The following SLC4A8 variants were observed in gnomAD, a reference collection of about 807,000 sequenced individuals.
SLC4A8 encodes the protein solute carrier family 4 member 8.
Under a neutral mutation model 125.0 loss-of-function variants are expected in SLC4A8, and 40 were observed. The ratio of observed to expected loss-of-function variants is 0.32; its 90% CI spans 0.25 to 0.42. The LOEUF (loss-of-function observed/expected upper bound fraction) is 0.42, where lower values mean the gene tolerates loss of function less well. Among genes scored for constraint, SLC4A8 ranks in the 10% least tolerant of loss-of-function variants. SLC4A8 has a pLI of 1.00. For missense variants in SLC4A8, 863 were observed against 1,355.1 expected, an observed-to-expected ratio of 0.64 and a Z score of 5.70; for synonymous variants, 456 against 476.0, an observed-to-expected ratio of 0.96 and a Z score of 0.55.
chr12:51,424,994 G>A lies in SLC4A8; in HGVS notation c.7G>A (p.Ala3Thr). 6.4e-7 allele frequency: 1 copy of A among 1,554,760 alleles called. No homozygotes were observed. Among genetic ancestry groups the A allele is most frequent in the Non-Finnish European group, 8.7e-7 (1 of 1,149,650 alleles). MP[A>T]AGSNEPDGVL... ...GACCTAGTTCGGCTCCGCCATGCCG[G>A]CCGCCGGGAGTAACGAGCCGGACGG... The change falls in exon 1 of 25, where the codon GCC (alanine) becomes ACC (threonine). Residue 3 changes from alanine (A) to threonine (T), a missense_variant. Transcript: ENST00000453097.
chr12:51,463,410 G>GGTGTGT (rs71731491), intron 10 of SLC4A8, among the ~76,000 whole-genome samples: 1,742 of 144,076 alleles, frequency 0.012, 15 homozygotes, highest in African/African-American at 0.024. Flanking sequence ...GAAATTATGG[G>GGTGTGT]GTGTGTGTGT....
At chr12:51,416,259 C>T (rs1301978903) in intron 1 of SLC4A8, among the ~76,000 whole-genome samples, 1 of 109,310 alleles carries the variant, frequency 9.1e-6, no homozygotes, top group Non-Finnish European at 1.8e-5. Flanking sequence ...GAAAATGTCT[C>T]TATTTCACTT....
chr12:51,424,038 A>AG (rs68048881), upstream of SLC4A8, among the ~76,000 whole-genome samples: 2 of 25,620 alleles, frequency 7.8e-5, no homozygotes, highest in East Asian at 2.1e-3. Context: ...CTTCGTCTCC[A>AG]AAAAAAAAAA....
At chr12:51,407,820 A>G (rs1472253321) in intron 1 of SLC4A8, 1 of 152,348 alleles carries the variant, frequency 6.6e-6, no homozygotes, top group Non-Finnish European at 1.5e-5. Context: ...ATAACAAAGT[A>G]CCACAAACTG....
At chr12:51,494,016 A>T (rs1951390763) in intron 20 of SLC4A8, among the ~76,000 whole-genome samples, 1 of 152,256 alleles carries the variant, frequency 6.6e-6, no homozygotes, top group African/African-American at 2.4e-5. Context: ...TTCATTAATT[A>T]TTCAACAGAC....
chr12:51,431,710 G>A (rs550080022), intron 1 of SLC4A8, among the ~76,000 whole-genome samples: 33 of 152,156 alleles, frequency 2.2e-4, no homozygotes, highest in Non-Finnish European at 4.3e-4. Flanking sequence ...CTCCCCAAAG[G>A]GCCAGCATTC....
upstream of SLC4A8, chr12:51,424,585 A>G: frequency 5.3e-6 from 1 of 189,370 alleles, no homozygotes; most frequent in Non-Finnish European, 1.1e-5. Flanking sequence ...CCCAGTTTTC[A>G]AGGGTCAGGT....
chr12:51,493,944 A>G (rs2279951), intron 20 of SLC4A8, among the ~76,000 whole-genome samples, 172 bp downstream of exon 20: 2,147 of 152,342 alleles, frequency 0.014, 56 homozygotes, highest in East Asian at 0.1. Context: ...AAAAACAGCC[A>G]TGTTGGCAGG....
chr12:51,424,054 C>CAAAAAAAAAAAAAA (rs1334821004), upstream of SLC4A8, among the ~76,000 whole-genome samples: 2 of 77,434 alleles, frequency 2.6e-5, no homozygotes, highest in African/African-American at 4.6e-5. Flanking sequence ...AAAAAAAAAA[C>CAAAAAAAAAAAAAA]AAAAAAAACA....
intron 1 of SLC4A8, among the ~76,000 whole-genome samples, chr12:51,400,055 G>C (rs1466214232): frequency 1.3e-5 from 2 of 151,920 alleles, no homozygotes; most frequent in African/African-American, 2.4e-5. Flanking sequence ...CCCTCCTCCT[G>C]GGTGTGGTGG....
chr12:51,396,807 G>A (rs1948272111), intron 1 of SLC4A8, among the ~76,000 whole-genome samples: 1 of 151,496 alleles, frequency 6.6e-6, no homozygotes, highest in Non-Finnish European at 1.5e-5. Flanking sequence ...GAGCATTAAA[G>A]TAGTTGAAAA....
intron 19 of SLC4A8, among the ~76,000 whole-genome samples, chr12:51,492,468 G>GCAC (rs1043924119): frequency 2.0e-5 from 3 of 152,064 alleles, no homozygotes; most frequent in African/African-American, 7.2e-5. Flanking sequence ...CCTGGTTGAG[G>GCAC]CACCATCTGG....
chr12:51,441,224 T>C (rs570636862), intron 2 of SLC4A8: 967 of 981,930 alleles, frequency 9.8e-4, no homozygotes, highest in Non-Finnish European at 1.1e-3. Context: ...CAATATTTAC[T>C]GTTTCTATTC....
rs1348498693 is a variant in SLC4A8, at chr12:51,458,571, C to T, written c.776C>T (p.Ser259Phe). The change falls in exon 7 of 25, where the codon TCT (serine) becomes TTT (phenylalanine). Residue 259 changes from serine (S) to phenylalanine (F), a missense_variant. Ser to Phe is a radical substitution (Grantham distance 155, BLOSUM62 -2). Transcript: ENST00000453097. ...TTTCTCCAAATAGGTCAAACCGTGT[C>T]TCCTCAGTCTGTTCCAACTACAAAT... ...HLMDKHGQTVSPQSVPTTNLE... is the reference protein window; with the variant it reads ...HLMDKHGQTVFPQSVPTTNLE... 15 of 1,612,786 alleles carry T rather than the reference C, an allele frequency of 9.3e-6. No individual in the cohort carries two copies. The highest frequency in any genetic ancestry group is 1.3e-5 in the Non-Finnish European group (15 of 1,178,794).
At chr12:51,466,889 C>T (rs1182790439) in intron 11 of SLC4A8, among the ~76,000 whole-genome samples, 2 of 151,954 alleles carry the variant, frequency 1.3e-5, no homozygotes, top group Non-Finnish European at 2.9e-5. Flanking sequence ...CACTCCTGTC[C>T]TCCTGTGTCT....
chr12:51,489,545 C>T (rs556992148), intron 18 of SLC4A8, among the ~76,000 whole-genome samples, 155 bp from the exon 19 acceptor site: 2 of 152,320 alleles, frequency 1.3e-5, no homozygotes, highest in South Asian at 2.1e-4. Flanking sequence ...TTCCTCCTAA[C>T]CAGGAGGGGC....
intron 6 of SLC4A8, 69 bp downstream of exon 6, chr12:51,457,608 T>TA: frequency 7.1e-7 from 1 of 1,406,808 alleles, no homozygotes; most frequent in Non-Finnish European, 9.8e-7. Flanking sequence ...GATGCTGACT[T>TA]ACTAGGGGTG....
chr12:51,414,593 A>G (rs1015889018), intron 1 of SLC4A8, among the ~76,000 whole-genome samples: 1 of 152,134 alleles, frequency 6.6e-6, no homozygotes, highest in African/African-American at 2.4e-5. Context: ...TCTACAAAAA[A>G]TCATAAAACG....
At chr12:51,503,676 A>G (rs958417924) in intron 22 of SLC4A8, among the ~76,000 whole-genome samples, 18 of 152,170 alleles carry the variant, frequency 1.2e-4, no homozygotes, top group African/African-American at 3.9e-4. Flanking sequence ...TTAAAGTTGA[A>G]GAAACAGGGT....
Sources: allele counts gnomAD v4.1 joint callset (sites outside exome capture counted in the v4.1 genomes callset), GRCh38; gene constraint gnomAD v4.1.1; transcripts MANE v1.5; gene names NCBI Gene and HGNC (gene_info 2026-07-23, HGNC 2026-07-21).